The following PCDHA5 variants were observed in gnomAD, a reference collection of about 807,000 sequenced individuals.
The protein encoded by PCDHA5 is protocadherin alpha-5.
In PCDHA5, 43 loss-of-function variants were observed where a neutral mutation model predicts 61.6. The ratio of observed to expected loss-of-function variants is 0.70; its 90% confidence interval spans 0.55 to 0.90. The LOEUF (loss-of-function observed/expected upper bound fraction) is 0.90, where lower values mean the gene tolerates loss of function less well. Among genes scored for constraint, PCDHA5 ranks in the 40% least tolerant of loss-of-function variants. PCDHA5 has a pLI of 0.00. For missense variants in PCDHA5, 1,298 were observed against 1,222.7 expected (o/e 1.06, Z -0.92); for synonymous variants, 627 against 543.9 (o/e 1.15, Z -2.13).
At chr5:140,967,547 A>G (rs1554229662) in intron 1 of PCDHA5, 1 of 1,613,890 alleles carries the variant, frequency 6.2e-7, no homozygotes, top group Non-Finnish European at 8.5e-7. Context: ...TGACCAGTCC[A>G]CTTATCGCGT....
intron 3 of PCDHA5, among the ~76,000 whole-genome samples, chr5:140,993,888 G>A (rs1196429613): frequency 6.6e-6 from 1 of 152,140 alleles, no homozygotes; most frequent in African/African-American, 2.4e-5. Flanking sequence ...GCTCTATGAT[G>A]TCCATACAAC....
chr5:140,929,163 G>T lies in PCDHA5; in HGVS notation c.2353-49786G>T, dbSNP rs142058597. On this transcript the variant is annotated intron_variant, in intron 1 of 3. Coordinates refer to ENST00000529859, the MANE Select transcript of PCDHA5 (RefSeq NM_018908.3). ...GACTTTCTCAGACTTATCTCTATCG[G>T]GCCTCTCTGGGACTTGGTTCTGATA... 2.4e-4 allele frequency: 385 copies of T among 1,614,058 alleles called. 2 individuals carry two copies. In the African/African-American group the frequency reaches 4.5e-3, roughly 19 times the overall value.
chr5:140,953,279 A>T (rs2153698724), intron 1 of PCDHA5, among the ~76,000 whole-genome samples: 1 of 152,188 alleles, frequency 6.6e-6, no homozygotes, highest in Non-Finnish European at 1.5e-5. Context: ...TTTGCTCTTT[A>T]TATGTGATTC....
At chr5:140,976,518 A>G (rs2096720750) in intron 1 of PCDHA5, among the ~76,000 whole-genome samples, 1 of 152,070 alleles carries the variant, frequency 6.6e-6, no homozygotes, top group Admixed American at 6.6e-5. Flanking sequence ...GCCACTGCAC[A>G]CCAGCCTAAA....
chr5:140,954,570 T>G (rs2095058412), intron 1 of PCDHA5, among the ~76,000 whole-genome samples: 1 of 152,252 alleles, frequency 6.6e-6, no homozygotes. Context: ...GACTGTCTTC[T>G]TTTCAGAAGT....
At chr5:140,837,881 G>A (rs1360398902) in intron 1 of PCDHA5, among the ~76,000 whole-genome samples, 1 of 151,490 alleles carries the variant, frequency 6.6e-6, no homozygotes, top group Admixed American at 6.6e-5. Context: ...GTGGAGTCTT[G>A]TTTCCCAGGC....
At chr5:140,941,244 T>TTTCG (rs2092953100) in intron 1 of PCDHA5, among the ~76,000 whole-genome samples, 1 of 141,602 alleles carries the variant, frequency 7.1e-6, no homozygotes, top group South Asian at 2.3e-4. Context: ...TCTTTCTTTC[T>TTTCG]TTCTTTCTTT....
intron 1 of PCDHA5, among the ~76,000 whole-genome samples, chr5:140,940,028 G>C (rs782276273): frequency 3.2e-4 from 48 of 152,048 alleles, no homozygotes; most frequent in Non-Finnish European, 5.4e-4. Context: ...ATGTTTTAAG[G>C]CTATTTTATT....
At chr5:140,967,051 G>T in intron 1 of PCDHA5, 12 of 1,612,562 alleles carry the variant, frequency 7.4e-6, no homozygotes, top group Non-Finnish European at 9.3e-6. Context: ...TGGACCTGAC[G>T]AGTGGAGCGC....
At position 140,896,858 on chromosome 5, in the gene PCDHA5, A is replaced by T. The variant is rs1448787828; in HGVS notation, c.2352+72731A>T. On this transcript the variant is annotated intron_variant, in intron 1 of 3. Coordinates refer to ENST00000529859, the MANE Select transcript of PCDHA5 (RefSeq NM_018908.3). Reference sequence around the variant, plus strand: ...TATTTTTTAATTTTATGGGTACATAATAAGTGTACATATTTATGGGGTATA... The same window carrying T: ...TATTTTTTAATTTTATGGGTACATATTAAGTGTACATATTTATGGGGTATA... Among the ~76,000 whole-genome samples, 3 of 152,310 alleles carry T rather than the reference A, an allele frequency of 2.0e-5. No homozygotes were observed. In the South Asian group the frequency reaches 6.2e-4, roughly 32 times the overall value.
chr5:140,862,679 TG>T, intron 1 of PCDHA5: 1 of 551,310 alleles, frequency 1.8e-6, no homozygotes, highest in Non-Finnish European at 3.6e-6. Flanking sequence ...GAGAACGTGC[TG>T]GTGTCCTACT....
intron 1 of PCDHA5, among the ~76,000 whole-genome samples, chr5:140,886,986 A>C (rs1246352877): frequency 6.6e-6 from 1 of 152,160 alleles, no homozygotes; most frequent in Non-Finnish European, 1.5e-5. Context: ...TGTAAATCCA[A>C]ATTTCCAGTT....
chr5:140,829,347 C>A, intron 1 of PCDHA5: 1 of 1,614,232 alleles, frequency 6.2e-7, no homozygotes, highest in South Asian at 1.1e-5. Context: ...GAGAGCGTGT[C>A]GGCCTATGAG....
At chr5:140,865,724 G>T (rs1334768794) in intron 1 of PCDHA5, 1 of 152,164 alleles carries the variant, frequency 6.6e-6, no homozygotes, top group African/African-American at 2.4e-5. Flanking sequence ...GAGAAGCTGA[G>T]ATGTGTATCT....
chr5:140,824,301 G>A (rs1768078809), intron 1 of PCDHA5, 174 bp downstream of exon 1: 14 of 835,542 alleles, frequency 1.7e-5, no homozygotes, highest in Non-Finnish European at 2.5e-5. Flanking sequence ...TTTCTGCTGG[G>A]GTAATAGATT....
rs2150409803 is a variant in PCDHA5, at chr5:140,848,387, C to G, written c.2352+24260C>G. The G allele has an allele frequency of 1.0e-3, 1,245 of 1,223,718 alleles. 70 individuals are homozygous for G. In the African/African-American group the frequency reaches 0.017, roughly 16 times the overall value. 75.8% of individuals were successfully genotyped at this position (1,223,718 alleles called of 1,614,324 possible). On this transcript the variant is annotated intron_variant, in intron 1 of 3. Coordinates refer to ENST00000529859, the MANE Select transcript of PCDHA5 (RefSeq NM_018908.3). The stretch of plus-strand genomic sequence containing the variant: ...AAGAGGCTCAATTCTTTTTCACTCT[C>G]TCTGTGCTGAACGATGGCGAACACA...
intron 1 of PCDHA5, among the ~76,000 whole-genome samples, chr5:140,901,935 GTA>G (rs200320249): frequency 0.011 from 1,607 of 151,762 alleles, 16 homozygotes; most frequent in African/African-American, 0.028. Context: ...TAATTCCTAG[GTA>G]TATTTAGTTT....
intron 1 of PCDHA5, among the ~76,000 whole-genome samples, chr5:140,838,217 A>C (rs1332894700): frequency 6.7e-6 from 1 of 150,262 alleles, no homozygotes; most frequent in Non-Finnish European, 1.5e-5. Context: ...TGGTACAAGC[A>C]GTTCTCATGC....
intron 1 of PCDHA5, chr5:140,836,781 T>C: frequency 6.7e-7 from 1 of 1,482,902 alleles, no homozygotes; most frequent in South Asian, 1.3e-5. Flanking sequence ...TTAAAACAAT[T>C]AGTTCAATTG....
Sources: allele counts gnomAD v4.1 joint callset (sites outside exome capture counted in the v4.1 genomes callset), GRCh38; gene constraint gnomAD v4.1.1; transcripts MANE v1.5; gene names NCBI Gene and HGNC (gene_info 2026-07-23, HGNC 2026-07-21).